Variants in EPM2A observed in about 807,000 individuals in gnomAD.
EPM2A encodes EPM2A glucan phosphatase, laforin, also known as laforin.
A neutral mutation model predicts 26.5 loss-of-function variants in EPM2A; 21 were observed. The observed-to-expected ratio is 0.79, with a 90% CI of 0.56 to 1.14. The LOEUF (loss-of-function observed/expected upper bound fraction) is 1.14. Ranked by LOEUF, EPM2A falls within the 50% of genes most tolerant of loss-of-function variation. The pLI is 0.00. For synonymous variants in EPM2A, 217 were observed against 177.6 expected, an observed-to-expected ratio of 1.22 and a Z score of -1.76; for missense variants, 458 against 440.8, an observed-to-expected ratio of 1.04 and a Z score of -0.35.
At chr6:145,720,144 A>T (rs968481741) in intron 1 of EPM2A, among the ~76,000 whole-genome samples, 4 of 152,198 alleles carry the variant, frequency 2.6e-5, no homozygotes, top group African/African-American at 9.6e-5. Context: ...AACATTATCA[A>T]GCTAAAATTT....
intron 1 of EPM2A, among the ~76,000 whole-genome samples, chr6:145,725,926 A>G (rs1776182582): frequency 6.6e-6 from 1 of 152,086 alleles, no homozygotes; most frequent in Admixed American, 6.6e-5. Context: ...ATTAATATAA[A>G]TGTATATTTC....
At chr6:145,630,977 C>G (rs1177990810) in intron 3 of EPM2A, 1 of 152,196 alleles carries the variant, frequency 6.6e-6, no homozygotes, top group Non-Finnish European at 1.5e-5. Flanking sequence ...TGGTCCTTCC[C>G]TAATCCACCT....
rs564951341 is a variant in EPM2A, at chr6:145,390,328, A to T, written c.556-6231T>A. Among the ~76,000 whole-genome samples the T allele has an allele frequency of 5.0e-4, 56 of 111,730 alleles. 2 individuals are homozygous for T. In the South Asian group the frequency reaches 0.015, roughly 31 times the overall value. The allele number at this position is 111,730 out of a possible 152,430, so 73.3% of individuals were successfully genotyped here. On this transcript the variant is annotated intron_variant, in intron 4 of 4. Transcript: ENST00000638717. ...TTTAATCTCATCTTAAATTTAAATT[A>T]AAAAAAAAAAACACCTTCACAGAAA... is the stretch of plus-strand genomic sequence containing the variant.
intron 2 of EPM2A, among the ~76,000 whole-genome samples, chr6:145,642,365 C>A (rs1777148608): frequency 6.6e-6 from 1 of 151,848 alleles, no homozygotes; most frequent in African/African-American, 2.4e-5. Flanking sequence ...GCACAAAAGA[C>A]CAAGGAATAA....
In EPM2A at chr6:145,645,112, C is replaced by A. The variant is rs532375579; in HGVS notation, c.477-9626G>T. Among the ~76,000 whole-genome samples the A allele has an allele frequency of 7.2e-5, 11 of 152,312 alleles. 1 individual carries two copies. Among genetic ancestry groups the A allele is most frequent in the Admixed American group, 5.2e-4 (8 of 15,294 alleles). On this transcript the variant is annotated intron_variant, in intron 2 of 3. Coordinates refer to ENST00000367519, the MANE Select transcript of EPM2A (RefSeq NM_005670.4). ...CCTGTTTGCAGTTAATTCATCCTGGCAAGACCTTCAGAATACAGTTTTATT... is the reference window on the plus strand; with the variant it reads ...CCTGTTTGCAGTTAATTCATCCTGGAAAGACCTTCAGAATACAGTTTTATT...
At chr6:145,633,437 G>A (rs1776415408) in intron 3 of EPM2A, among the ~76,000 whole-genome samples, 1 of 152,124 alleles carries the variant, frequency 6.6e-6, no homozygotes, top group Non-Finnish European at 1.5e-5. Context: ...CTTGAAGAAG[G>A]GCAGAGCTCT....
intron 2 of EPM2A, among the ~76,000 whole-genome samples, chr6:145,545,711 C>A (rs941211600): frequency 1.3e-5 from 2 of 152,132 alleles, no homozygotes; most frequent in East Asian, 1.9e-4. Context: ...CCCTGCAGGA[C>A]CCGAGCTGAG....
intron 2 of EPM2A, among the ~76,000 whole-genome samples, chr6:145,683,570 T>C (rs1191291680): frequency 6.6e-6 from 1 of 152,070 alleles, no homozygotes; most frequent in Non-Finnish European, 1.5e-5. Context: ...GTATATGAAC[T>C]AAGGTTCACT....
chr6:145,525,215 TTTTA>T (rs71552932), intron 2 of EPM2A, among the ~76,000 whole-genome samples: 7,178 of 147,002 alleles, frequency 0.049, 489 homozygotes, highest in African/African-American at 0.16. Flanking sequence ...ATGCCTTCAA[TTTTA>T]TTTATTTATT....
intron 4 of EPM2A, among the ~76,000 whole-genome samples, chr6:145,466,011 G>A (rs946198436): frequency 1.3e-5 from 2 of 152,048 alleles, no homozygotes; most frequent in South Asian, 4.2e-4. Context: ...AGACTTAAAG[G>A]TTAGACCTAA....
chr6:145,724,926 G>A (rs1776122965), intron 1 of EPM2A, among the ~76,000 whole-genome samples: 1 of 151,800 alleles, frequency 6.6e-6, no homozygotes, highest in Admixed American at 6.6e-5. Flanking sequence ...CCTTGGATTT[G>A]GAGAAGAGTT....
At chr6:145,637,199 A>C (rs1204800933) in intron 2 of EPM2A, 1 of 152,240 alleles carries the variant, frequency 6.6e-6, no homozygotes, top group African/African-American at 2.4e-5. Context: ...TGCATTGTAA[A>C]GATTATTCAG....
chr6:145,598,647 T>C (rs1308240946), intron 2 of EPM2A, among the ~76,000 whole-genome samples: 1 of 152,218 alleles, frequency 6.6e-6, no homozygotes, highest in Non-Finnish European at 1.5e-5. Context: ...TTTCTTGCAA[T>C]AGCTTTTGGT....
At chr6:145,569,510 C>T (rs969352131) in intron 2 of EPM2A, among the ~76,000 whole-genome samples, 15 of 152,158 alleles carry the variant, frequency 9.9e-5, no homozygotes, top group African/African-American at 3.6e-4. Context: ...ATGGCATTTG[C>T]ATGTTAATCT....
At position 145,625,657 on chromosome 6, in the gene EPM2A, T is replaced by G; in HGVS notation, c.*1759A>C. The G allele has an allele frequency of 1.4e-6, 1 of 734,176 alleles. No homozygotes were observed. The highest frequency in any genetic ancestry group is 2.6e-5 in the East Asian group (1 of 38,748). The allele number at this position is 734,176 out of a possible 1,614,324, so 45.5% of individuals were successfully genotyped here. A position where few individuals can be genotyped will look rare whatever the true frequency, so the allele number is the denominator to read the frequency against. ...TTTTAGCAAGGGAGCTGGACTTCAC[T>G]TTACTTAATGCTAGCTTATAAATTT... On this transcript the variant is annotated 3_prime_UTR_variant, in exon 4 of 4. Coordinates refer to ENST00000367519, the MANE Select transcript of EPM2A (RefSeq NM_005670.4).
Position 145,625,509 on chromosome 6 carries a change from C to T in EPM2A, c.*1907G>A, listed in dbSNP as rs544271724. On this transcript the variant is annotated 3_prime_UTR_variant, in exon 4 of 4. Transcript: ENST00000367519. ...TCATGGAAATTATGAAGCTGGATTT[C>T]TTAGACATTAAAGAAATTCACAGAC... 1.1e-3 allele frequency: 633 copies of T among 558,246 alleles called. 2 individuals carry two copies. Among genetic ancestry groups the T allele is most frequent in the Non-Finnish European group, 1.8e-3 (569 of 313,764 alleles). The allele number at this position is 558,246 out of a possible 1,614,324, so 34.6% of individuals were successfully genotyped here. A position where few individuals can be genotyped will look rare whatever the true frequency, so the allele number is the denominator to read the frequency against.
intron 2 of EPM2A, among the ~76,000 whole-genome samples, chr6:145,557,646 C>T (rs1324794200): frequency 5.9e-5 from 9 of 151,588 alleles, no homozygotes; most frequent in Admixed American, 5.9e-4. Flanking sequence ...TACTGTGTGC[C>T]CACATGTTGT....
chr6:145,609,243 A>C (rs1364872998), intron 2 of EPM2A, among the ~76,000 whole-genome samples: 2 of 152,210 alleles, frequency 1.3e-5, no homozygotes, highest in African/African-American at 2.4e-5. Flanking sequence ...CAGTGAATAT[A>C]CCTAATCTAA....
intron 4 of EPM2A, among the ~76,000 whole-genome samples, chr6:145,421,123 C>T (rs78779070): frequency 2.6e-5 from 4 of 152,132 alleles, no homozygotes; most frequent in African/African-American, 9.6e-5. Context: ...TGGATGACTG[C>T]ACAGTGGTAA....
Sources: gnomAD v4.1 joint callset for allele counts (sites outside exome capture counted in the v4.1 genomes callset) on GRCh38, gnomAD v4.1.1 for gene constraint, MANE v1.5 for transcripts, NCBI Gene and HGNC (gene_info 2026-07-23, HGNC 2026-07-21) for gene names.